The following WDPCP variants were observed in gnomAD, a reference collection of about 807,000 sequenced individuals.
WDPCP encodes the protein WD repeat-containing and planar cell polarity effector protein fritz homolog.
WDPCP carries 71 observed loss-of-function variants against 93.1 expected under a neutral mutation model. The observed-to-expected ratio is 0.76, with a 90% CI of 0.63 to 0.93. WDPCP has a LOEUF of 0.93. Among genes scored for constraint, WDPCP ranks in the 40% least tolerant of loss-of-function variants. The pLI is 0.00. For missense variants in WDPCP, 844 were observed against 887.4 expected, an observed-to-expected ratio of 0.95 and a Z score of 0.62; for synonymous variants, 315 against 315.0, an observed-to-expected ratio of 1.00 and a Z score of 0.00.
intron 3 of WDPCP, chr2:63,606,073 T>C (rs770289496): frequency 7.9e-6 from 12 of 1,514,328 alleles, no homozygotes; most frequent in Non-Finnish European, 1.0e-5. Flanking sequence ...GAAGTAGTTA[T>C]ATGTTTCTCT....
intron 1 of WDPCP, among the ~76,000 whole-genome samples, chr2:63,549,247 C>CAAAAAAAAAAAAAAAAAAAAAA: frequency 1.1e-5 from 1 of 87,666 alleles, no homozygotes; most frequent in Non-Finnish European, 2.2e-5. Context: ...GAGACTGTCT[C>CAAAAAAAAAAAAAAAAAAAAAA]AAAAAAAAAA....
At chr2:63,649,454 G>C (rs1334797078) in intron 3 of WDPCP, among the ~76,000 whole-genome samples, 1 of 152,152 alleles carries the variant, frequency 6.6e-6, no homozygotes, top group Non-Finnish European at 1.5e-5. Context: ...TTAGTTGATA[G>C]TCACTTAGAT....
At position 63,404,389 on chromosome 2, in the gene WDPCP, T is replaced by C. The variant is rs201662623; in HGVS notation, c.1094A>G (p.Glu365Gly). 365 of 1,614,084 alleles carry C rather than the reference T, an allele frequency of 2.3e-4. 1 individual carries two copies. The highest frequency in any genetic ancestry group is 2.9e-4 in the Non-Finnish European group (343 of 1,180,030). The change falls in exon 10 of 18, where the codon GAA becomes GGA. Residue 365 changes from glutamate to glycine, a missense_variant. Transcript: ENST00000272321. ...GCEDSSLILY[E>G]THRRVTLLAQ... Reference sequence around the variant, plus strand: ...TAAGAGAGTCACTCTACGGTGAGTTTCATAAAGAATTAGCGAAGAATCTTC... The same window carrying C: ...TAAGAGAGTCACTCTACGGTGAGTTCCATAAAGAATTAGCGAAGAATCTTC...
At position 63,416,554 on chromosome 2, in the gene WDPCP, C is replaced by T. The variant is rs1165958884; in HGVS notation, c.826-11897G>A. Among the ~76,000 whole-genome samples the T allele has an allele frequency of 9.2e-5, 6 of 64,938 alleles. No homozygotes were observed. The South Asian group carries it at 1.8e-3, about 20-fold the overall frequency. The allele number at this position is 64,938 out of a possible 152,430, so 42.6% of individuals were successfully genotyped here. A position where few individuals can be genotyped will look rare whatever the true frequency, so the allele number is the denominator to read the frequency against. ...TTTTTTTTTTTTTGAGACGGAGTCT[C>T]GCCCTGTTGCCCAGGCTGGAGTGCA... On this transcript the variant is annotated intron_variant, in intron 9 of 17. Coordinates refer to ENST00000272321, the MANE Select transcript of WDPCP (RefSeq NM_015910.7).
At chr2:63,766,764 T>G (rs1461990808) in intron 2 of WDPCP, among the ~76,000 whole-genome samples, 1 of 152,132 alleles carries the variant, frequency 6.6e-6, no homozygotes, top group Admixed American at 6.6e-5. Flanking sequence ...AAATTTACCA[T>G]CTTAACAATT....
intron 14 of WDPCP, among the ~76,000 whole-genome samples, chr2:63,222,421 G>A (rs1287162662): frequency 6.6e-6 from 1 of 152,164 alleles, no homozygotes; most frequent in Non-Finnish European, 1.5e-5. Context: ...CAGGAATGTG[G>A]GAGCAAGGGC....
At chr2:63,660,608 C>A (rs529879028) in intron 2 of WDPCP, among the ~76,000 whole-genome samples, 1 of 152,064 alleles carries the variant, frequency 6.6e-6, no homozygotes, top group African/African-American at 2.4e-5. Flanking sequence ...TATGCATGTA[C>A]CCCCCTGTAT....
chr2:63,409,825 CA>C (rs1195639884), intron 9 of WDPCP, among the ~76,000 whole-genome samples: 3 of 151,894 alleles, frequency 2.0e-5, no homozygotes, highest in Non-Finnish European at 4.4e-5. Context: ...AGTCTTCCAA[CA>C]AAGGCAAAGA....
At chr2:63,683,955 G>T (rs1001991554) in intron 2 of WDPCP, among the ~76,000 whole-genome samples, 1 of 152,044 alleles carries the variant, frequency 6.6e-6, no homozygotes, top group Non-Finnish European at 1.5e-5. Flanking sequence ...CAACACTGCA[G>T]CATCCAGATA....
At chr2:63,656,458 G>A (rs769165398) in intron 2 of WDPCP, among the ~76,000 whole-genome samples, 18 of 152,202 alleles carry the variant, frequency 1.2e-4, no homozygotes, top group South Asian at 2.1e-4. Flanking sequence ...GGCTACAGGC[G>A]GGCTGAGAGG....
At chr2:63,233,186 CA>C (rs1204958808) in intron 14 of WDPCP, 2 of 154,036 alleles carry the variant, frequency 1.3e-5, no homozygotes, top group Non-Finnish European at 2.9e-5. Context: ...GCTTCATTTG[CA>C]GGCAGATCTT....
intron 3 of WDPCP, chr2:63,604,671 A>G: frequency 1.3e-6 from 2 of 1,583,326 alleles, no homozygotes; most frequent in Non-Finnish European, 1.7e-6. Context: ...TGTCTCAGTA[A>G]TGTATTTGTT....
In WDPCP at chr2:63,529,788, G is replaced by C. The variant is rs142164249; in HGVS notation, c.76-36848C>G. Among the ~76,000 whole-genome samples the C allele has an allele frequency of 4.7e-3, 710 of 152,264 alleles. 9 individuals carry two copies. Among genetic ancestry groups the C allele is most frequent in the African/African-American group, 0.016 (665 of 41,542 alleles). On this transcript the variant is annotated intron_variant, in intron 1 of 17. Coordinates refer to ENST00000272321, the MANE Select transcript of WDPCP (RefSeq NM_015910.7). ...GAAGGAATGGTACCAGCTCCTCCTT[G>C]TATCTCTCATAGAATTCGGCTGTGA... is the stretch of plus-strand genomic sequence containing the variant.
At chr2:63,257,629 A>G (rs1268802202) in intron 14 of WDPCP, among the ~76,000 whole-genome samples, 1 of 152,136 alleles carries the variant, frequency 6.6e-6, no homozygotes, top group Non-Finnish European at 1.5e-5. Context: ...GTGAAAATAT[A>G]TTTGCTAGAA....
intron 1 of WDPCP, among the ~76,000 whole-genome samples, chr2:63,557,901 G>C (rs1036520673): frequency 1.3e-5 from 2 of 152,022 alleles, no homozygotes; most frequent in African/African-American, 4.8e-5. Flanking sequence ...TGACTCCTGG[G>C]TAAATAATGA....
rs780599114 is a variant in WDPCP, at chr2:63,370,073, C to T, written c.1748+8313G>A. ...CAAAATTTGTTCATATAATGACCATCGAGTTATTTATACCTATATTATGTC... is the reference window on the plus strand; with the variant it reads ...CAAAATTTGTTCATATAATGACCATTGAGTTATTTATACCTATATTATGTC... On this transcript the variant is annotated intron_variant, in intron 12 of 17. Coordinates refer to ENST00000272321, the MANE Select transcript of WDPCP (RefSeq NM_015910.7). Among the ~76,000 whole-genome samples the T allele has an allele frequency of 2.6e-5, 4 of 152,028 alleles. No individual in the cohort carries two copies. The South Asian group carries it at 6.2e-4, about 24-fold the overall frequency.
At chr2:63,782,955 A>C (rs1238872070) in intron 2 of WDPCP, among the ~76,000 whole-genome samples, 1 of 152,134 alleles carries the variant, frequency 6.6e-6, no homozygotes, top group Non-Finnish European at 1.5e-5. Context: ...TATTAAAAGA[A>C]GGAGCAAAGG....
intron 14 of WDPCP, among the ~76,000 whole-genome samples, chr2:63,234,453 C>G (rs377639242): frequency 3.3e-5 from 5 of 151,918 alleles, no homozygotes; most frequent in African/African-American, 1.2e-4. Flanking sequence ...GATTTCATCT[C>G]TTAAAAAAAT....
chr2:63,369,306 G>A (rs761792405), intron 12 of WDPCP: 1 of 425,628 alleles, frequency 2.3e-6, no homozygotes, highest in African/African-American at 2.0e-5. Context: ...AAACTAAAGA[G>A]AGCCAAGCTT....
Sources: allele counts gnomAD v4.1 joint callset (sites outside exome capture counted in the v4.1 genomes callset), GRCh38; gene constraint gnomAD v4.1.1; transcripts MANE v1.5; gene names NCBI Gene and HGNC (gene_info 2026-07-23, HGNC 2026-07-21).